Variants in RPRD1A observed in about 807,000 individuals in gnomAD.
RPRD1A encodes the protein regulation of nuclear pre-mRNA domain-containing protein 1A.
A neutral mutation model predicts 37.8 loss-of-function variants in RPRD1A; 9 were observed. That is an observed-to-expected ratio of 0.24 (90% CI 0.14 to 0.42). The LOEUF (loss-of-function observed/expected upper bound fraction) is 0.42. Among genes scored for constraint, RPRD1A ranks in the 10% least tolerant of loss-of-function variants. The pLI is 1.00. For missense variants in RPRD1A, 255 were observed against 371.0 expected, an observed-to-expected ratio of 0.69 and a Z score of 2.57; for synonymous variants, 138 against 139.7, an observed-to-expected ratio of 0.99 and a Z score of 0.08.
intron 1 of RPRD1A, among the ~76,000 whole-genome samples, chr18:36,062,110 G>T: frequency 6.6e-6 from 1 of 151,616 alleles, no homozygotes; most frequent in South Asian, 2.1e-4. Context: ...GAGGTCAGGA[G>T]ATCGAGACCA....
chr18:36,035,986 A>G (rs559529441), intron 1 of RPRD1A, among the ~76,000 whole-genome samples: 1 of 152,338 alleles, frequency 6.6e-6, no homozygotes, highest in African/African-American at 2.4e-5. Flanking sequence ...GTTTTGCAAA[A>G]TGAACAGTTC....
chr18:36,036,350 T>C lies in RPRD1A; in HGVS notation c.152-2513A>G, dbSNP rs907921865. Among the ~76,000 whole-genome samples, 3 of 152,268 alleles carry C rather than the reference T, an allele frequency of 2.0e-5. No individual in the cohort carries two copies. The South Asian group carries it at 6.2e-4, about 32-fold the overall frequency. On this transcript the variant is annotated intron_variant, in intron 1 of 6. Transcript: ENST00000399022. The stretch of plus-strand genomic sequence containing the variant: ...AGGCCTCCCAAAGTGCTGGGATTAC[T>C]GGTGTGAGCCACTGTGCCTGGCCCT...
chr18:36,042,544 C>T (rs747983612), intron 1 of RPRD1A, among the ~76,000 whole-genome samples: 1 of 152,182 alleles, frequency 6.6e-6, no homozygotes, highest in Non-Finnish European at 1.5e-5. Flanking sequence ...ATTTTTAATT[C>T]AGATTATGAA....
chr18:36,048,319 G>C (rs1393858754), intron 1 of RPRD1A, among the ~76,000 whole-genome samples: 1 of 152,068 alleles, frequency 6.6e-6, no homozygotes, highest in Non-Finnish European at 1.5e-5. Flanking sequence ...ACCCATCTCA[G>C]CCTCCCAAAG....
chr18:36,061,278 T>A (rs2088905549), intron 1 of RPRD1A, among the ~76,000 whole-genome samples: 1 of 152,238 alleles, frequency 6.6e-6, no homozygotes, highest in Admixed American at 6.5e-5. Flanking sequence ...AGGGATAAAC[T>A]GTTTTCCCTT....
chr18:36,063,795 A>C (rs2088962141), intron 1 of RPRD1A, among the ~76,000 whole-genome samples: 1 of 152,244 alleles, frequency 6.6e-6, no homozygotes, highest in South Asian at 2.1e-4. Flanking sequence ...CTGCAAAAGC[A>C]GTCATCTGTC....
At chr18:36,050,017 T>C (rs1040907050) in intron 1 of RPRD1A, among the ~76,000 whole-genome samples, 2 of 152,082 alleles carry the variant, frequency 1.3e-5, no homozygotes, top group Non-Finnish European at 2.9e-5. Context: ...CTAATGGATA[T>C]GAAGTGGTCT....
At chr18:36,019,825 AG>A (rs1263743689) in intron 6 of RPRD1A, among the ~76,000 whole-genome samples, 4 of 152,188 alleles carry the variant, frequency 2.6e-5, no homozygotes, top group Non-Finnish European at 5.9e-5. Flanking sequence ...GGGTCACCTG[AG>A]GTCAGGAGTT....
At chr18:36,014,711 C>G (rs1419625340) in intron 6 of RPRD1A, among the ~76,000 whole-genome samples, 1 of 152,098 alleles carries the variant, frequency 6.6e-6, no homozygotes, top group Admixed American at 6.5e-5. Context: ...CCACGGCACT[C>G]CAGCCTGGGC....
chr18:36,050,437 C>T (rs1411121299), intron 1 of RPRD1A, among the ~76,000 whole-genome samples: 3 of 151,946 alleles, frequency 2.0e-5, no homozygotes, highest in Admixed American at 1.3e-4. Flanking sequence ...TGGTTTTCAC[C>T]CGCCTTTGCT....
intron 1 of RPRD1A, among the ~76,000 whole-genome samples, chr18:36,050,543 T>G (rs1444440005): frequency 6.6e-6 from 1 of 152,126 alleles, no homozygotes; most frequent in Non-Finnish European, 1.5e-5. Flanking sequence ...AAACTACACT[T>G]CAACAAAAAA....
At chr18:36,065,201 T>A (rs554305869) in intron 1 of RPRD1A, among the ~76,000 whole-genome samples, 10 of 152,370 alleles carry the variant, frequency 6.6e-5, no homozygotes, top group African/African-American at 2.4e-4. Flanking sequence ...TCTTGGAATA[T>A]GGTGTTAATC....
chr18:36,012,812 ATAAT>A (rs921988466), intron 6 of RPRD1A, among the ~76,000 whole-genome samples: 2 of 152,270 alleles, frequency 1.3e-5, no homozygotes, highest in African/African-American at 4.8e-5. Context: ...ATTCAAAAGA[ATAAT>A]TAAAGATGTA....
intron 1 of RPRD1A, among the ~76,000 whole-genome samples, chr18:36,035,960 TGG>T (rs1912162557): frequency 6.6e-6 from 1 of 152,178 alleles, no homozygotes. Context: ...AAATTATTCA[TGG>T]GTACAGAGTC....
chr18:36,067,294 C>T lies in RPRD1A; in HGVS notation c.111G>A (p.Ser37=), dbSNP rs150357641. 7 of 1,603,542 alleles carry T rather than the reference C, an allele frequency of 4.4e-6. No homozygotes were observed. The African/African-American group carries it at 6.7e-5, about 15-fold the overall frequency. The change falls in exon 1 of 7, where the codon TCG becomes TCA. Residue 37 remains serine, a synonymous_variant. Transcript: ENST00000399022. ...GCTCCCACACGGTGACGATGGGACG[C>T]GAGTGTTTACGGTGGTGAATGAGCC... ...SLWLIHHRKH[S]RPIVTVWERE... is the part of the protein sequence containing the mutation.
intron 2 of RPRD1A, among the ~76,000 whole-genome samples, chr18:36,032,598 A>T (rs1268826719): frequency 1.3e-5 from 2 of 152,240 alleles, no homozygotes; most frequent in East Asian, 3.8e-4. Flanking sequence ...AAACAATACT[A>T]AAGGGCATTA....
intron 1 of RPRD1A, among the ~76,000 whole-genome samples, chr18:36,041,263 G>T (rs1912561827): frequency 6.6e-6 from 1 of 151,992 alleles, no homozygotes; most frequent in African/African-American, 2.4e-5. Flanking sequence ...TAATTATGTA[G>T]CACTTCCTCT....
At chr18:36,031,597 TATTTA>T (rs1911795571) in intron 2 of RPRD1A, among the ~76,000 whole-genome samples, 2 of 152,196 alleles carry the variant, frequency 1.3e-5, no homozygotes, top group South Asian at 4.1e-4. Flanking sequence ...AAGGAAATGA[TATTTA>T]ATTTGAGATC....
chr18:36,004,548 C>T (rs1909621849), intron 6 of RPRD1A, among the ~76,000 whole-genome samples: 1 of 152,198 alleles, frequency 6.6e-6, no homozygotes, highest in South Asian at 2.1e-4. Flanking sequence ...AGCCGGCGCC[C>T]AGCCTCAGTA....
Sources: allele counts gnomAD v4.1 joint callset (sites outside exome capture counted in the v4.1 genomes callset), GRCh38; gene constraint gnomAD v4.1.1; transcripts MANE v1.5; gene names NCBI Gene and HGNC (gene_info 2026-07-23, HGNC 2026-07-21).